The following C15orf39 variants were observed in gnomAD, a reference collection of about 807,000 sequenced individuals.
C15orf39 encodes uncharacterized protein C15orf39.
C15orf39 carries 24 observed loss-of-function variants against 53.9 expected under a neutral mutation model. The ratio of observed to expected loss-of-function variants is 0.45; its 90% CI spans 0.32 to 0.63. C15orf39 has a LOEUF of 0.63. Ranked by LOEUF, C15orf39 falls within the 20% of genes least tolerant of loss-of-function variation. The pLI is 0.04. For missense variants in C15orf39, 1,271 were observed against 1,347.9 expected (o/e 0.94, Z 0.89); for synonymous variants, 569 against 576.5 (o/e 0.99, Z 0.19).
intron 1 of C15orf39, among the ~76,000 whole-genome samples, chr15:75,203,937 C>A (rs574137056): frequency 6.6e-6 from 1 of 152,264 alleles, no homozygotes; most frequent in East Asian, 1.9e-4. Flanking sequence ...CCTAATGGCC[C>A]CTCTGTGTCT....
At position 75,204,614 on chromosome 15, in the gene C15orf39, T is replaced by C. The variant is rs181787198; in HGVS notation, c.-50-1385T>C. Among the ~76,000 whole-genome samples, 306 of 152,346 alleles carry C rather than the reference T, an allele frequency of 2.0e-3. 1 individual carries two copies. The highest frequency in any genetic ancestry group is 7.0e-3 in the African/African-American group (292 of 41,592). ...CCTCTGCCTCCTGAGTTCACGCAATTCTCCTGCCTCAGCCTTCAGCGTAGC... is the reference window on the plus strand; with the variant it reads ...CCTCTGCCTCCTGAGTTCACGCAATCCTCCTGCCTCAGCCTTCAGCGTAGC... On this transcript the variant is annotated intron_variant, in intron 1 of 2. Coordinates refer to ENST00000394987, the MANE Select transcript of C15orf39 (RefSeq NM_015492.5).
chr15:75,201,174 C>T (rs1432911865), upstream of C15orf39, among the ~76,000 whole-genome samples: 1 of 152,162 alleles, frequency 6.6e-6, no homozygotes, highest in African/African-American at 2.4e-5. This position sits in a 1 kb window ranked among gnomAD's most constrained non-coding sequence, Gnocchi z 4.7. Flanking sequence ...AGAGGCACCC[C>T]TTCCCCCCTC....
At chr15:75,203,812 C>T (rs1401447138) in intron 1 of C15orf39, among the ~76,000 whole-genome samples, 3 of 152,138 alleles carry the variant, frequency 2.0e-5, no homozygotes, top group African/African-American at 4.8e-5. Context: ...AGGATCCACA[C>T]TTCAAAACCC....
intron 2 of C15orf39, chr15:75,209,327 C>T (rs1187383558): frequency 1.3e-5 from 2 of 156,158 alleles, no homozygotes; most frequent in Admixed American, 6.4e-5. Context: ...AGCTCACTTC[C>T]CACAACCAGT....
Position 75,207,611 on chromosome 15 carries a change from C to A in C15orf39, c.1563C>A (p.Pro521=). The A allele has an allele frequency of 6.2e-7, 1 of 1,613,308 alleles. No homozygotes were observed. The highest frequency in any genetic ancestry group is 8.5e-7 in the Non-Finnish European group (1 of 1,179,934). Residue 521 remains proline, a synonymous_variant, in exon 2 of 3, where the codon CCC becomes CCA. Coordinates refer to ENST00000394987, the MANE Select transcript of C15orf39 (RefSeq NM_015492.5). ...PYRDYLDVPA[P]EATTEPDSAT... The stretch of plus-strand genomic sequence containing the variant: ...GTGACTATCTGGATGTGCCGGCACC[C>A]GAGGCCACAACTGAGCCTGACTCTG...
At position 75,208,419 on chromosome 15, in the gene C15orf39, C is replaced by A; in HGVS notation, c.2371C>A (p.Arg791Ser). ...CGCCCACTCTCCTCCAGAGAAGCTT[C>A]GCGAGTGGCTAGAGACGGCTGGGCC... ...SVAHSPPEKL[R>S]EWLETAGPWG... Residue 791 changes from arginine to serine, a missense_variant, in exon 2 of 3, where the codon CGC (arginine) becomes AGC (serine). By Grantham distance (110) the Arg-to-Ser change is moderately radical. Coordinates refer to ENST00000394987, the MANE Select transcript of C15orf39 (RefSeq NM_015492.5). 1 of 1,606,920 alleles carries A rather than the reference C, an allele frequency of 6.2e-7. No individual in the cohort carries two copies. The highest frequency in any genetic ancestry group is 8.5e-7 in the Non-Finnish European group (1 of 1,178,528).
intron 2 of C15orf39, 128 bp downstream of exon 2, chr15:75,208,952 G>A (rs1015413855): frequency 7.0e-7 from 1 of 1,428,304 alleles, no homozygotes; most frequent in African/African-American, 1.4e-5. Context: ...GGGGGCTTTA[G>A]GATGAGCTCT....
upstream of C15orf39, among the ~76,000 whole-genome samples, chr15:75,201,244 A>G (rs1046053935): frequency 6.6e-6 from 1 of 152,104 alleles, no homozygotes; most frequent in African/African-American, 2.4e-5. This position sits in a 1 kb window ranked among gnomAD's most constrained non-coding sequence, Gnocchi z 4.7. Context: ...CCCGCCTCAC[A>G]GGCTGCGCGC....
chr15:75,201,983 C>G lies in C15orf39; in HGVS notation c.-127C>G, dbSNP rs1266138865. Reference sequence around the variant, plus strand: ...CAGGGCCCGGTCGGACTAGGACCCGCGGCCTGAGAGACGCTGGAGGATGCG... The same window carrying G: ...CAGGGCCCGGTCGGACTAGGACCCGGGGCCTGAGAGACGCTGGAGGATGCG... On this transcript the variant is annotated 5_prime_UTR_variant, in exon 1 of 3. Transcript: ENST00000394987. This position sits in a 1 kb window ranked among gnomAD's most constrained non-coding sequence, Gnocchi z 4.7. The G allele has an allele frequency of 6.6e-6, 1 of 152,104 alleles. No homozygotes were observed. 9.4% of individuals were successfully genotyped at this position (152,104 alleles called of 1,614,324 possible). A position where few individuals can be genotyped will look rare whatever the true frequency, so the allele number is the denominator to read the frequency against.
Position 75,208,553 on chromosome 15 carries a change from T to C in C15orf39, c.2505T>C (p.His835=), listed in dbSNP as rs201363268. The part of the protein sequence containing the change: ...FDRTHRCPFP[H]VVRAGAIFVP... ...GCACCCACCGGTGCCCCTTCCCCCA[T>C]GTGGTGCGAGCTGGCGCCATCTTCG... The change falls in exon 2 of 3, where the codon CAT becomes CAC. Residue 835 remains histidine, a synonymous_variant. Transcript: ENST00000394987. 181 of 1,573,998 alleles carry C rather than the reference T, an allele frequency of 1.1e-4. No individual in the cohort carries two copies. The highest frequency in any genetic ancestry group is 1.4e-4 in the Non-Finnish European group (168 of 1,160,710).
Position 75,212,009 on chromosome 15 carries a change from C to T in C15orf39, c.*893C>T, listed in dbSNP as rs2070487386. Reference sequence around the variant, plus strand: ...GATCTGGACTGAGGACCCTGCTGCTCCCCAAGCCAGAGCCCATCAGCCAGG... The same window carrying T: ...GATCTGGACTGAGGACCCTGCTGCTTCCCAAGCCAGAGCCCATCAGCCAGG... On this transcript the variant is annotated 3_prime_UTR_variant, in exon 3 of 3. Coordinates refer to ENST00000394987, the MANE Select transcript of C15orf39 (RefSeq NM_015492.5). The T allele has an allele frequency of 6.6e-6, 1 of 152,242 alleles. No homozygotes were observed. The highest frequency in any genetic ancestry group is 2.1e-4 in the South Asian group (1 of 4,836). The allele number at this position is 152,242 out of a possible 1,614,324, so 9.4% of individuals were successfully genotyped here. A position where few individuals can be genotyped will look rare whatever the true frequency, so the allele number is the denominator to read the frequency against.
upstream of C15orf39, chr15:75,201,850 C>A (rs1161254128): frequency 6.6e-6 from 1 of 151,804 alleles, no homozygotes; most frequent in Non-Finnish European, 1.5e-5. This position sits in a 1 kb window ranked among gnomAD's most constrained non-coding sequence, Gnocchi z 4.7. Context: ...CCCGCCCCCG[C>A]CCCGCCCCCA....
chr15:75,202,314 G>C (rs1322540693), intron 1 of C15orf39: 2 of 152,302 alleles, frequency 1.3e-5, no homozygotes, highest in Non-Finnish European at 2.9e-5. Flanking sequence ...AGCGCTCTGG[G>C]TCTCCGGCGG....
chr15:75,210,343 GCTCGGC>G (rs1421869197), intron 2 of C15orf39, among the ~76,000 whole-genome samples: 1 of 152,192 alleles, frequency 6.6e-6, no homozygotes, highest in East Asian at 1.9e-4. Context: ...CCCTACCTGG[GCTCGGC>G]CTCGGGCTTG....
chr15:75,208,874 C>T (rs755642015), intron 2 of C15orf39, 50 bp downstream of exon 2: 1 of 1,547,812 alleles, frequency 6.5e-7, no homozygotes. Flanking sequence ...GAGCAAGTGA[C>T]AGGTGTGTGT....
intron 2 of C15orf39, chr15:75,209,060 A>C (rs2070464962): frequency 4.8e-6 from 3 of 625,640 alleles, no homozygotes; most frequent in Non-Finnish European, 7.6e-6. Context: ...TCCCCATGGA[A>C]ACTCCTCGGC....
chr15:75,199,041 A>T (rs1330487438), upstream of C15orf39: 2 of 152,240 alleles, frequency 1.3e-5, no homozygotes, highest in Non-Finnish European at 2.9e-5. Context: ...CTCCTGCAAC[A>T]TCACCACTGG....
At chr15:75,210,596 T>C (rs1338799778) in intron 2 of C15orf39, among the ~76,000 whole-genome samples, 153 bp from the exon 3 acceptor site, 1 of 152,160 alleles carries the variant, frequency 6.6e-6, no homozygotes, top group African/African-American at 2.4e-5. Flanking sequence ...CTTTTTTGCT[T>C]GGATGGTCTG....
At chr15:75,210,640 C>A (rs150421949) in intron 2 of C15orf39, 109 bp from the exon 3 acceptor site, 14 of 1,454,278 alleles carry the variant, frequency 9.6e-6, no homozygotes, top group Middle Eastern at 2.6e-4. Context: ...AGTTGTGATG[C>A]CAGCCTGACT....
Sources: gnomAD v4.1 joint callset for allele counts (sites outside exome capture counted in the v4.1 genomes callset) on GRCh38, gnomAD v4.1.1 for gene constraint, Gnocchi (gnomAD v3.1) non-coding constraint, MANE v1.5 for transcripts, NCBI Gene and HGNC (gene_info 2026-07-23, HGNC 2026-07-21) for gene names.